The following SOX6 variants were observed in gnomAD, a reference collection of about 807,000 sequenced individuals.
SOX6 encodes the protein SRY-box transcription factor 6.
A neutral mutation model predicts 97.8 loss-of-function variants in SOX6; 11 were observed. That is an observed-to-expected ratio of 0.11 (90% CI 0.07 to 0.19). SOX6 has a LOEUF of 0.19. SOX6 is among the 10% of genes least tolerant of loss of function. The probability of loss-of-function intolerance (pLI) is 1.00; values close to 1 mark genes in which losing one functional copy is unlikely to be tolerated. For synonymous variants in SOX6, 360 were observed against 371.4 expected, an observed-to-expected ratio of 0.97 and a Z score of 0.35; for missense variants, 810 against 1,039.5, an observed-to-expected ratio of 0.78 and a Z score of 3.04.
intron 1 of SOX6, among the ~76,000 whole-genome samples, chr11:16,406,321 C>T (rs955373946): frequency 6.6e-6 from 1 of 152,056 alleles, no homozygotes; most frequent in Non-Finnish European, 1.5e-5. Context: ...CACAAGAATG[C>T]TACAGGTTTA....
intron 2 of SOX6, among the ~76,000 whole-genome samples, chr11:16,721,731 C>A (rs1356921283): frequency 6.6e-6 from 1 of 150,564 alleles, no homozygotes; most frequent in Admixed American, 6.7e-5. Context: ...CCCAGCCATG[C>A]CTCTAGTATA....
chr11:16,151,204 G>A (rs10766298), intron 6 of SOX6, among the ~76,000 whole-genome samples: 47,034 of 151,920 alleles, frequency 0.31, 8,760 homozygotes, highest in Non-Finnish European at 0.41. Context: ...AAGGTGTTTT[G>A]CAAGCAAACG....
At chr11:16,143,125 G>T (rs1355476158) in intron 6 of SOX6, among the ~76,000 whole-genome samples, 1 of 152,150 alleles carries the variant, frequency 6.6e-6, no homozygotes, top group Non-Finnish European at 1.5e-5. Flanking sequence ...CCCACAAAGG[G>T]AAACCCATCA....
At chr11:16,381,831 C>G (rs1159053530) in intron 1 of SOX6, among the ~76,000 whole-genome samples, 1 of 151,532 alleles carries the variant, frequency 6.6e-6, no homozygotes, top group Non-Finnish European at 1.5e-5. Flanking sequence ...GGCAGAGGCA[C>G]AATGAACACA....
At chr11:16,366,904 T>A (rs1464168613) in intron 1 of SOX6, among the ~76,000 whole-genome samples, 1 of 152,054 alleles carries the variant, frequency 6.6e-6, no homozygotes, top group African/African-American at 2.4e-5. Context: ...GTGAATAAGC[T>A]CTATTAGGTC....
chr11:16,402,850 T>C, intron 1 of SOX6: 3 of 1,542,992 alleles, frequency 1.9e-6, no homozygotes, highest in Non-Finnish European at 2.6e-6. Flanking sequence ...CTATCCCCAA[T>C]GGTCTCTCCT....
intron 6 of SOX6, among the ~76,000 whole-genome samples, chr11:16,152,526 T>C (rs1054130426): frequency 1.1e-4 from 17 of 152,204 alleles, no homozygotes; most frequent in African/African-American, 3.4e-4. Context: ...GTATGTATAA[T>C]TAAAGCCAGA....
chr11:16,327,145 G>C (rs1004210471), intron 2 of SOX6, among the ~76,000 whole-genome samples: 3 of 152,114 alleles, frequency 2.0e-5, no homozygotes, highest in Non-Finnish European at 4.4e-5. Context: ...CTATTCAATA[G>C]TGAGTCACCA....
rs555346514 is a variant in SOX6 at position 16,610,022 on chromosome 11, G to A, written n.609+2059C>T. On this transcript the variant is annotated intron_variant and non_coding_transcript_variant, in intron 4 of 5. Transcript: ENST00000524520. This position sits in a 1 kb window ranked among gnomAD's most constrained non-coding sequence, Gnocchi z 4.4. ...GGCCAGGGCTCCCAGAACTGCCTGC[G>A]GGCCCCTTGACCTCTAAGGCCCAAG... Among the ~76,000 whole-genome samples, 4 of 152,260 alleles carry A rather than the reference G, an allele frequency of 2.6e-5. No homozygotes were observed. The highest frequency in any genetic ancestry group is 1.3e-4 in the Admixed American group (2 of 15,300).
chr11:16,276,511 G>T lies in SOX6; in HGVS notation c.446-41840C>A, dbSNP rs556997246. On this transcript the variant is annotated intron_variant, in intron 3 of 15. Coordinates refer to ENST00000683767, the MANE Select transcript of SOX6 (RefSeq NM_001367873.1). ...AGCCTGCTATGGGTCTTCTGGAAAAGAATTTTTTTAACCTTGATTACCTCT... is the reference window on the plus strand; with the variant it reads ...AGCCTGCTATGGGTCTTCTGGAAAATAATTTTTTTAACCTTGATTACCTCT... 2.0e-5 allele frequency among the ~76,000 whole-genome samples: 3 copies of T among 152,230 alleles called. No individual in the cohort carries two copies. The South Asian group carries it at 6.2e-4, about 32-fold the overall frequency.
chr11:16,422,670 G>T (rs1032805118), intron 1 of SOX6, among the ~76,000 whole-genome samples: 3 of 152,160 alleles, frequency 2.0e-5, no homozygotes, highest in Non-Finnish European at 4.4e-5. Context: ...GAGCAAGTAG[G>T]CTGCAAACCT....
intron 4 of SOX6, among the ~76,000 whole-genome samples, chr11:16,511,843 G>C (rs1590228415): frequency 6.6e-6 from 1 of 152,140 alleles, no homozygotes; most frequent in Non-Finnish European, 1.5e-5. Context: ...TCTTAGAGCA[G>C]ATGTCTAAGA....
At chr11:15,986,448 C>T (rs766095386) in intron 14 of SOX6, 28 bp from the exon 15 acceptor site, 1 of 1,606,862 alleles carries the variant, frequency 6.2e-7, no homozygotes, top group Admixed American at 1.7e-5. Context: ...CTTAAGTACC[C>T]AAGTGGTCAA....
rs537818211 is a variant in SOX6 at position 16,418,665 on chromosome 11, G to T, written c.-5+57650C>A. Among the ~76,000 whole-genome samples, 9 of 152,134 alleles carry T rather than the reference G, an allele frequency of 5.9e-5. No homozygotes were observed. The East Asian group carries it at 1.7e-3, about 29-fold the overall frequency. On this transcript the variant is annotated intron_variant, in intron 1 of 15. Coordinates refer to the SOX6 transcript ENST00000396356. ...TCTATTACTGTGGGAAAAAACAGTG[G>T]TAGACAAAAAGTTGGGGGCAACAAC... is the stretch of plus-strand genomic sequence containing the variant.
At chr11:16,553,717 C>A (rs1020680765) in intron 4 of SOX6, among the ~76,000 whole-genome samples, 1 of 151,962 alleles carries the variant, frequency 6.6e-6, no homozygotes, top group Non-Finnish European at 1.5e-5. Context: ...GATTGGTGCT[C>A]CTAACTCCAA....
At chr11:16,504,846 C>T (rs947992139) in intron 4 of SOX6, among the ~76,000 whole-genome samples, 3 of 152,070 alleles carry the variant, frequency 2.0e-5, no homozygotes, top group African/African-American at 7.2e-5. Flanking sequence ...TCCTGCTGGC[C>T]ATGGGAAGAT....
intron 1 of SOX6, among the ~76,000 whole-genome samples, chr11:16,395,221 TG>T (rs1858315408): frequency 6.6e-6 from 1 of 151,690 alleles, no homozygotes; most frequent in African/African-American, 2.4e-5. Context: ...AAGAACAAAA[TG>T]GGCCAGTCCG....
intron 12 of SOX6, among the ~76,000 whole-genome samples, chr11:16,034,015 G>A (rs941237420): frequency 1.6e-4 from 25 of 152,286 alleles, no homozygotes; most frequent in African/African-American, 6.0e-4. Context: ...AAATGTAAGA[G>A]CTCACTAAAA....
intron 3 of SOX6, among the ~76,000 whole-genome samples, chr11:16,638,694 T>C (rs1293686794): frequency 6.6e-6 from 1 of 152,210 alleles, no homozygotes. Context: ...TTTTCATGTG[T>C]CTTTTGGCTG....
Sources: gnomAD v4.1 joint callset for allele counts (sites outside exome capture counted in the v4.1 genomes callset) on GRCh38, gnomAD v4.1.1 for gene constraint, Gnocchi (gnomAD v3.1) non-coding constraint, MANE v1.5 for transcripts, NCBI Gene and HGNC (gene_info 2026-07-23, HGNC 2026-07-21) for gene names.